The following RNF216 variants were observed in gnomAD, a reference collection of about 807,000 sequenced individuals.
RNF216 encodes the protein ring finger protein 216.
A neutral mutation model predicts 110.8 loss-of-function variants in RNF216; 72 were observed. The ratio of observed to expected loss-of-function variants is 0.65; its 90% CI spans 0.54 to 0.79. The LOEUF (loss-of-function observed/expected upper bound fraction) is 0.79. RNF216 is among the 30% of genes least tolerant of loss of function. The probability of loss-of-function intolerance (pLI) is 0.00; values close to 1 mark genes in which losing one functional copy is unlikely to be tolerated. For missense variants in RNF216, 1,342 were observed against 1,141.2 expected, an observed-to-expected ratio of 1.18 and a Z score of -2.54; for synonymous variants, 495 against 407.5, an observed-to-expected ratio of 1.21 and a Z score of -2.59.
At chr7:5,673,700 A>G (rs184001976) in intron 13 of RNF216, among the ~76,000 whole-genome samples, 1 of 152,136 alleles carries the variant, frequency 6.6e-6, no homozygotes, top group Non-Finnish European at 1.5e-5. Context: ...ACACAGCATG[A>G]CCTTGTCTCT....
chr7:5,636,890 A>G (rs760627066), intron 15 of RNF216, among the ~76,000 whole-genome samples: 13 of 152,230 alleles, frequency 8.5e-5, no homozygotes, highest in Non-Finnish European at 1.2e-4. Flanking sequence ...GAAAAAGCAC[A>G]TGAGAAACCC....
At chr7:5,685,452 G>C (rs533448243) in intron 13 of RNF216, among the ~76,000 whole-genome samples, 1 of 152,312 alleles carries the variant, frequency 6.6e-6, no homozygotes, top group South Asian at 2.1e-4. Flanking sequence ...CAGGGCTATA[G>C]AAATTGTTCT....
intron 13 of RNF216, among the ~76,000 whole-genome samples, chr7:5,692,994 C>G (rs1328116431): frequency 6.6e-6 from 1 of 152,224 alleles, no homozygotes; most frequent in African/African-American, 2.4e-5. Flanking sequence ...ATTTAAGACA[C>G]AATTGTGGGC....
chr7:5,682,053 G>A (rs775224816), intron 13 of RNF216, among the ~76,000 whole-genome samples: 1 of 152,208 alleles, frequency 6.6e-6, no homozygotes, highest in Non-Finnish European at 1.5e-5. Flanking sequence ...CTCTTCTCAG[G>A]GTGGGGATGA....
intron 13 of RNF216, among the ~76,000 whole-genome samples, chr7:5,659,214 G>T (rs1487138362): frequency 6.6e-6 from 1 of 152,178 alleles, no homozygotes; most frequent in African/African-American, 2.4e-5. Flanking sequence ...TCCAGTATCT[G>T]CTGAATTTCT....
intron 14 of RNF216, among the ~76,000 whole-genome samples, chr7:5,647,658 G>A (rs1260998290): frequency 6.6e-6 from 1 of 151,898 alleles, no homozygotes; most frequent in Non-Finnish European, 1.5e-5. Flanking sequence ...CCCACTCCTG[G>A]TTCTTTGGGT....
chr7:5,690,367 C>T (rs1450316747), intron 13 of RNF216, among the ~76,000 whole-genome samples: 6 of 151,574 alleles, frequency 4.0e-5, no homozygotes, highest in Non-Finnish European at 5.9e-5. Flanking sequence ...CTTTTTACTT[C>T]CTGTTTCTCT....
intron 13 of RNF216, among the ~76,000 whole-genome samples, chr7:5,663,275 C>T (rs1204677274): frequency 2.0e-5 from 3 of 152,208 alleles, no homozygotes; most frequent in East Asian, 3.9e-4. Flanking sequence ...GGGCTCAATT[C>T]ATCCAATAAA....
chr7:5,760,457 G>A (rs768034068), intron 2 of RNF216: 20 of 386,608 alleles, frequency 5.2e-5, no homozygotes, highest in South Asian at 3.7e-4. Context: ...CGGAGCTCGT[G>A]GTGAGTCGAG....
At chr7:5,659,428 G>T (rs2128583498) in intron 13 of RNF216, among the ~76,000 whole-genome samples, 1 of 152,312 alleles carries the variant, frequency 6.6e-6, no homozygotes, top group Admixed American at 6.5e-5. Context: ...AAGGCTTCAG[G>T]GCAGGAGAGG....
intron 13 of RNF216, among the ~76,000 whole-genome samples, chr7:5,664,873 G>A (rs1195474301): frequency 6.6e-6 from 1 of 152,116 alleles, no homozygotes; most frequent in African/African-American, 2.4e-5. Context: ...TTGGCTCACC[G>A]CAACCTCCAC....
At chr7:5,704,361 T>C (rs1439384193) in intron 13 of RNF216, among the ~76,000 whole-genome samples, 1 of 152,322 alleles carries the variant, frequency 6.6e-6, no homozygotes, top group South Asian at 2.1e-4. Flanking sequence ...GGGTCAAAAT[T>C]AGCTTGTGGC....
intron 14 of RNF216, among the ~76,000 whole-genome samples, chr7:5,646,422 C>G (rs1584369669): frequency 6.6e-6 from 1 of 151,620 alleles, no homozygotes; most frequent in African/African-American, 2.4e-5. Flanking sequence ...GGCCAGGTGC[C>G]GTGGCTCACA....
intron 13 of RNF216, among the ~76,000 whole-genome samples, chr7:5,698,296 C>A (rs1791750021): frequency 6.6e-6 from 1 of 151,938 alleles, no homozygotes; most frequent in East Asian, 1.9e-4. Flanking sequence ...ACAGGCTATA[C>A]AATGCTCTCA....
intron 7 of RNF216, among the ~76,000 whole-genome samples, chr7:5,727,631 C>T (rs1483528391): frequency 6.6e-6 from 1 of 152,048 alleles, no homozygotes; most frequent in Non-Finnish European, 1.5e-5. Context: ...ACATGGGAGG[C>T]TGAGGCAGGA....
chr7:5,654,921 G>A (rs17135681), intron 13 of RNF216, among the ~76,000 whole-genome samples: 1,684 of 152,118 alleles, frequency 0.011, 36 homozygotes, highest in African/African-American at 0.038. Context: ...AACAAACCCT[G>A]TGCCTGACTA....
At chr7:5,706,417 T>C (rs1792293326) in intron 13 of RNF216, among the ~76,000 whole-genome samples, 1 of 152,152 alleles carries the variant, frequency 6.6e-6, no homozygotes. Flanking sequence ...CACCCAGGGT[T>C]CTACTTTGTG....
chr7:5,649,110 G>A (rs535307116), intron 14 of RNF216, among the ~76,000 whole-genome samples: 5 of 152,300 alleles, frequency 3.3e-5, no homozygotes, highest in East Asian at 1.9e-4. Flanking sequence ...GGGCGGGCGC[G>A]GTGGCTCACG....
intron 14 of RNF216, among the ~76,000 whole-genome samples, chr7:5,643,925 A>G (rs994563949): frequency 2.0e-5 from 3 of 152,132 alleles, no homozygotes; most frequent in Admixed American, 1.3e-4. Flanking sequence ...TGCCTCTGAT[A>G]TTTCATAGGA....
Sources: allele counts gnomAD v4.1 joint callset (sites outside exome capture counted in the v4.1 genomes callset), GRCh38; gene constraint gnomAD v4.1.1; transcripts MANE v1.5; gene names NCBI Gene and HGNC (gene_info 2026-07-23, HGNC 2026-07-21).